The following WNT3A variants were observed in gnomAD, a reference collection of about 807,000 sequenced individuals.
The protein encoded by WNT3A is protein Wnt-3a.
WNT3A carries 17 observed loss-of-function variants against 37.0 expected under a neutral mutation model. That is an observed-to-expected ratio of 0.46 (90% confidence interval 0.31 to 0.69). The LOEUF (loss-of-function observed/expected upper bound fraction) is 0.69, where lower values mean the gene tolerates loss of function less well. WNT3A is among the 30% of genes least tolerant of loss of function. The pLI, the probability that WNT3A is intolerant of heterozygous loss-of-function variation, is 0.05. For missense variants in WNT3A, 411 were observed against 510.2 expected (o/e 0.81, Z 1.87); for synonymous variants, 187 against 211.0 (o/e 0.89, Z 0.99).
chr1:228,045,281 T>C (rs955368558), intron 2 of WNT3A, among the ~76,000 whole-genome samples: 1 of 152,164 alleles, frequency 6.6e-6, no homozygotes, highest in African/African-American at 2.4e-5. Context: ...AGACAGACTC[T>C]TGTAGTAGCC....
intron 1 of WNT3A, among the ~76,000 whole-genome samples, chr1:228,020,151 A>AG (rs1224615423): frequency 6.6e-6 from 1 of 152,178 alleles, no homozygotes; most frequent in African/African-American, 2.4e-5. Context: ...TTGAGCCAAG[A>AG]GGGGGAGGTT....
Position 228,019,318 on chromosome 1 carries a change from C to T in WNT3A, c.72-3349C>T, listed in dbSNP as rs374431605. Among the ~76,000 whole-genome samples the T allele has an allele frequency of 2.2e-4, 34 of 152,218 alleles. 2 individuals carry two copies. Among genetic ancestry groups the T allele is most frequent in the East Asian group, 1.3e-3 (7 of 5,194 alleles). On this transcript the variant is annotated intron_variant, in intron 1 of 3. Coordinates refer to ENST00000284523, the MANE Select transcript of WNT3A (RefSeq NM_033131.4). ...AGAGTGACAGCCCCCAAAATGAATCCAGCATCTAGCCTCGGAGAAGGGATG... is the reference window on the plus strand; with the variant it reads ...AGAGTGACAGCCCCCAAAATGAATCTAGCATCTAGCCTCGGAGAAGGGATG...
chr1:228,028,076 T>C (rs1330825573), intron 2 of WNT3A, among the ~76,000 whole-genome samples: 2 of 152,156 alleles, frequency 1.3e-5, no homozygotes, highest in Non-Finnish European at 2.9e-5. Context: ...CAAAGATCAG[T>C]TGTCTGTACA....
Position 228,049,164 on chromosome 1 carries a change from G to A in WNT3A, c.314-1492G>A, listed in dbSNP as rs192791724. On this transcript the variant is annotated intron_variant, in intron 2 of 3. Transcript: ENST00000284523. ...CACTGGTGTTGAGAAGATTCCAGAAGAGGCAGCTGTACCGCTGAGCCATGC... is the reference window on the plus strand; with the variant it reads ...CACTGGTGTTGAGAAGATTCCAGAAAAGGCAGCTGTACCGCTGAGCCATGC... 9.3e-4 allele frequency among the ~76,000 whole-genome samples: 141 copies of A among 152,300 alleles called. 2 individuals carry two copies. The East Asian group carries it at 0.015, about 16-fold the overall frequency.
intron 2 of WNT3A, among the ~76,000 whole-genome samples, chr1:228,032,340 C>T (rs1200688993): frequency 6.6e-6 from 1 of 152,230 alleles, no homozygotes; most frequent in Admixed American, 6.5e-5. Context: ...CAGATCTGCA[C>T]AGATGGGAAT....
At position 228,039,768 on chromosome 1, in the gene WNT3A, A is replaced by G. The variant is rs2031233934; in HGVS notation, c.314-10888A>G. ...CCATTGTTGGAAGCCTCCAGTCCTA[A>G]TTCCCTGATGGGCTTCCCAGAGGGG... On this transcript the variant is annotated intron_variant, in intron 2 of 3. Coordinates refer to ENST00000284523, the MANE Select transcript of WNT3A (RefSeq NM_033131.4). This position sits in a 1 kb window ranked among gnomAD's most constrained non-coding sequence, Gnocchi z 4.1. Among the ~76,000 whole-genome samples the G allele has an allele frequency of 6.6e-6, 1 of 152,118 alleles. No homozygotes were observed. Among genetic ancestry groups the G allele is most frequent in the Non-Finnish European group, 1.5e-5 (1 of 68,010 alleles).
At chr1:228,055,569 GAATACAGAA>G (rs1320877028) in intron 3 of WNT3A, among the ~76,000 whole-genome samples, 7 of 151,920 alleles carry the variant, frequency 4.6e-5, no homozygotes, top group Non-Finnish European at 2.9e-5. Context: ...ATACTCATGA[GAATACAGAA>G]AATAAAGAGG....
chr1:228,029,020 G>A (rs983564099), intron 2 of WNT3A, among the ~76,000 whole-genome samples: 3 of 151,980 alleles, frequency 2.0e-5, no homozygotes, highest in Non-Finnish European at 4.4e-5. Context: ...GGTCTGCTCC[G>A]CTCCCTCCAG....
At chr1:228,009,530 C>T (rs924554937) in intron 1 of WNT3A, among the ~76,000 whole-genome samples, 1 of 152,172 alleles carries the variant, frequency 6.6e-6, no homozygotes, top group East Asian at 1.9e-4. Context: ...TTGGCCCCTG[C>T]CAGGTGGGCT....
chr1:228,033,283 G>A (rs797020376), intron 2 of WNT3A, among the ~76,000 whole-genome samples: 20 of 152,174 alleles, frequency 1.3e-4, no homozygotes, highest in African/African-American at 4.8e-4. Flanking sequence ...CTCTTCATTA[G>A]GTTTTTTTTA....
At chr1:228,049,885 C>G (rs2031504071) in intron 2 of WNT3A, among the ~76,000 whole-genome samples, 1 of 152,162 alleles carries the variant, frequency 6.6e-6, no homozygotes, top group African/African-American at 2.4e-5. Flanking sequence ...TCTAGCAATC[C>G]TCCCACCTCC....
chr1:228,050,572 G>T lies in WNT3A; in HGVS notation c.314-84G>T. ...ACCTCACGAGTTCCTTTATAACAAT[G>T]CAAATGGGCTAAGACCCCTGACCTG... On this transcript the variant is annotated intron_variant, in intron 2 of 3. Coordinates refer to ENST00000284523, the MANE Select transcript of WNT3A (RefSeq NM_033131.4). This position sits in a 1 kb window ranked among gnomAD's most constrained non-coding sequence, Gnocchi z 5.0. The T allele has an allele frequency of 6.8e-7, 1 of 1,480,788 alleles. No individual in the cohort carries two copies. The allele number at this position is 1,480,788 out of a possible 1,614,324, so 91.7% of individuals were successfully genotyped here. A position where few individuals can be genotyped will look rare whatever the true frequency, so the allele number is the denominator to read the frequency against.
intron 2 of WNT3A, among the ~76,000 whole-genome samples, chr1:228,034,680 AT>A (rs1418012117): frequency 6.6e-6 from 1 of 152,160 alleles, no homozygotes; most frequent in Non-Finnish European, 1.5e-5. Flanking sequence ...AATTCTTTGA[AT>A]TTTTTTAGAG....
At chr1:228,021,654 G>A (rs922595930) in intron 1 of WNT3A, among the ~76,000 whole-genome samples, 13 of 152,218 alleles carry the variant, frequency 8.5e-5, no homozygotes, top group East Asian at 3.8e-4. Flanking sequence ...TCCTGAACAC[G>A]TCTCATTGTG....
At chr1:228,034,851 T>G (rs545130048) in intron 2 of WNT3A, among the ~76,000 whole-genome samples, 8 of 152,318 alleles carry the variant, frequency 5.3e-5, no homozygotes, top group Non-Finnish European at 1.0e-4. Flanking sequence ...CTCCCACTCT[T>G]GCTTTCTGGG....
rs1181412291 is a variant in WNT3A at position 228,055,186 on chromosome 1, A to G, written c.580-3800A>G. On this transcript the variant is annotated intron_variant, in intron 3 of 3. Coordinates refer to ENST00000284523, the MANE Select transcript of WNT3A (RefSeq NM_033131.4). ...AAAAAAAAAAAAAAAAAAAATATAT[A>G]TATATATATATATATATATATATAT... Among the ~76,000 whole-genome samples, 11 of 38,148 alleles carry G rather than the reference A, an allele frequency of 2.9e-4. 1 individual carries two copies. The highest frequency in any genetic ancestry group is 1.3e-3 in the Admixed American group (4 of 3,088). The allele number at this position is 38,148 out of a possible 152,430, so 25.0% of individuals were successfully genotyped here.
At chr1:228,009,339 G>A (rs965442927) in intron 1 of WNT3A, among the ~76,000 whole-genome samples, 5 of 152,208 alleles carry the variant, frequency 3.3e-5, no homozygotes, top group Admixed American at 6.5e-5. Flanking sequence ...ACAGAAGGAC[G>A]CAGTGCTGCA....
At chr1:228,033,480 G>A (rs2102770192) in intron 2 of WNT3A, among the ~76,000 whole-genome samples, 1 of 152,238 alleles carries the variant, frequency 6.6e-6, no homozygotes. Context: ...AGCCCTAGAT[G>A]TATGAATTTA....
At chr1:228,055,179 A>AATATATATATATAT (rs1180107835) in intron 3 of WNT3A, among the ~76,000 whole-genome samples, 1 of 19,288 alleles carries the variant, frequency 5.2e-5, no homozygotes, top group Non-Finnish European at 8.6e-5. Flanking sequence ...AAAAAAAAAA[A>AATATATATATATAT]ATATATATAT....
Sources: gnomAD v4.1 joint callset for allele counts (sites outside exome capture counted in the v4.1 genomes callset) on GRCh38, gnomAD v4.1.1 for gene constraint, Gnocchi (gnomAD v3.1) non-coding constraint, MANE v1.5 for transcripts, NCBI Gene and HGNC (gene_info 2026-07-23, HGNC 2026-07-21) for gene names.